The following SLC9D1 variants were observed in gnomAD, a reference collection of about 807,000 sequenced individuals.
SLC9D1 encodes solute carrier family 9 member D1, also known as putative LAG1-interacting protein.
chr13:113,549,585 G>T, the SLC9D1 span: 8 of 1,612,160 alleles, frequency 5.0e-6, no homozygotes, highest in Non-Finnish European at 5.9e-6. Context: ...TGTGGGGAGT[G>T]AGCGCTTAGA....
chr13:113,497,792 A>G, the SLC9D1 span, among the ~76,000 whole-genome samples: 1 of 152,256 alleles, frequency 6.6e-6, no homozygotes, highest in Non-Finnish European at 1.5e-5. Context: ...TTTAGCTAAG[A>G]ATAAATGTTT....
chr13:113,546,667 G>A, the SLC9D1 span, among the ~76,000 whole-genome samples: 3,569 of 152,172 alleles, frequency 0.023, 67 homozygotes, highest in Non-Finnish European at 0.034. The surrounding 1 kb of genome is among the most constrained non-coding windows in gnomAD (Gnocchi z 7.1). Flanking sequence ...GGCTTCCTCC[G>A]AGGGCTGACA....
chr13:113,509,545 C>T, the SLC9D1 span, among the ~76,000 whole-genome samples: 1 of 152,192 alleles, frequency 6.6e-6, no homozygotes, highest in Non-Finnish European at 1.5e-5. Flanking sequence ...ACAGCCCCTG[C>T]ACCCCTTCCT....
chr13:113,513,507 G>T, the SLC9D1 span, among the ~76,000 whole-genome samples: 1 of 152,140 alleles, frequency 6.6e-6, no homozygotes, highest in Non-Finnish European at 1.5e-5. Flanking sequence ...AGATAGGAGG[G>T]TTGCATGTTT....
the SLC9D1 span, among the ~76,000 whole-genome samples, chr13:113,522,445 A>G: frequency 6.6e-6 from 1 of 152,128 alleles, no homozygotes; most frequent in East Asian, 1.9e-4. Context: ...GCTTCACGCC[A>G]TTCTCCTGCC....
the SLC9D1 span, chr13:113,510,481 T>C: frequency 3.9e-6 from 6 of 1,542,228 alleles, 1 homozygote; most frequent in African/African-American, 4.1e-5. Context: ...GTAGGTGACT[T>C]TTGGATTCAC....
chr13:113,504,611 T>G, the SLC9D1 span: 4 of 152,266 alleles, frequency 2.6e-5, no homozygotes, highest in Non-Finnish European at 1.5e-5. Context: ...CCTGAGTTAC[T>G]GCACTTAGAA....
At chr13:113,491,457 A>G in the SLC9D1 span, among the ~76,000 whole-genome samples, 1 of 56,030 alleles carries the variant, frequency 1.8e-5, no homozygotes, top group Non-Finnish European at 3.5e-5. Flanking sequence ...CGGGGCTCCC[A>G]TTCCCTTCTT....
the SLC9D1 span, chr13:113,503,376 TG>T: frequency 1.6e-6 from 1 of 633,878 alleles, no homozygotes; most frequent in East Asian, 2.7e-5. Flanking sequence ...TGTGTGTGTG[TG>T]TGTGTGTATG....
At chr13:113,547,480 C>A in the SLC9D1 span, 1 of 940,392 alleles carries the variant, frequency 1.1e-6, no homozygotes, top group Non-Finnish European at 1.7e-6. Flanking sequence ...GCCTGCAGAG[C>A]CGGCCCTGCT....
At chr13:113,496,072 G>C in the SLC9D1 span, 3 of 1,344,462 alleles carry the variant, frequency 2.2e-6, no homozygotes, top group Non-Finnish European at 3.1e-6. Context: ...GGGAGAGAGA[G>C]GTGAAGAGAG....
At chr13:113,528,038 A>G in the SLC9D1 span, 5 of 151,812 alleles carry the variant, frequency 3.3e-5, no homozygotes, top group East Asian at 1.9e-4. Flanking sequence ...GAGATTTTCT[A>G]TTTTTTATTT....
chr13:113,527,863 T>C, the SLC9D1 span: 13 of 152,234 alleles, frequency 8.5e-5, no homozygotes, highest in Non-Finnish European at 1.6e-4. Flanking sequence ...TCCGTTTCTG[T>C]GTGTTCAGGC....
At chr13:113,522,929 C>G in the SLC9D1 span, among the ~76,000 whole-genome samples, 1 of 152,194 alleles carries the variant, frequency 6.6e-6, no homozygotes, top group African/African-American at 2.4e-5. Flanking sequence ...CGTGCCTGGC[C>G]TTCTTTTTTA....
chr13:113,508,113 C>T, the SLC9D1 span, among the ~76,000 whole-genome samples: 2 of 152,246 alleles, frequency 1.3e-5, no homozygotes, highest in African/African-American at 4.8e-5. Context: ...TGTCTGGACA[C>T]CTTTCTCCCA....
At chr13:113,517,533 TG>T in the SLC9D1 span, among the ~76,000 whole-genome samples, 4 of 152,178 alleles carry the variant, frequency 2.6e-5, no homozygotes, top group Non-Finnish European at 5.9e-5. Context: ...AGTGAATAAA[TG>T]GAATTCCTGA....
the SLC9D1 span, among the ~76,000 whole-genome samples, chr13:113,494,893 T>C: frequency 6.6e-6 from 1 of 152,118 alleles, no homozygotes; most frequent in Non-Finnish European, 1.5e-5. Flanking sequence ...TGTTTTTGTT[T>C]TTTTTTTGAG....
the SLC9D1 span, chr13:113,527,921 T>C: frequency 3.3e-5 from 5 of 152,226 alleles, no homozygotes; most frequent in East Asian, 1.9e-4. Flanking sequence ...CCCTCTCTCG[T>C]CTCCACTCTG....
chr13:113,500,823 C>G, the SLC9D1 span, among the ~76,000 whole-genome samples: 3 of 152,048 alleles, frequency 2.0e-5, no homozygotes, highest in Non-Finnish European at 4.4e-5. Context: ...CTATCTCAGG[C>G]GAGAGGAAGA....
Sources: gnomAD v4.1 joint callset for allele counts (sites outside exome capture counted in the v4.1 genomes callset) on GRCh38, gnomAD v4.1.1 for gene constraint, Gnocchi (gnomAD v3.1) non-coding constraint, MANE v1.5 for transcripts, NCBI Gene and HGNC (gene_info 2026-07-23, HGNC 2026-07-21) for gene names.